The following GYG1 variants were observed in gnomAD, a reference collection of about 807,000 sequenced individuals.
The protein encoded by GYG1 is glycogenin-1.
A neutral mutation model predicts 41.9 loss-of-function variants in GYG1; 44 were observed. The ratio of observed to expected loss-of-function variants is 1.05; its 90% confidence interval spans 0.83 to 1.35. The LOEUF is 1.35. Among genes scored for constraint, GYG1 ranks in the 40% most tolerant of loss-of-function variants. GYG1 has a pLI of 0.00. For missense variants in GYG1, 429 were observed against 418.9 expected, an observed-to-expected ratio of 1.02 and a Z score of -0.21; for synonymous variants, 141 against 158.1, an observed-to-expected ratio of 0.89 and a Z score of 0.81.
intron 5 of GYG1, among the ~76,000 whole-genome samples, chr3:149,023,720 C>T (rs1714490817): frequency 6.6e-6 from 1 of 152,158 alleles, no homozygotes; most frequent in Admixed American, 6.5e-5. Flanking sequence ...ATGGAAAGTA[C>T]ACTGTTAAAG....
At chr3:149,016,481 C>G (rs1714053030) in intron 5 of GYG1, among the ~76,000 whole-genome samples, 1 of 152,062 alleles carries the variant, frequency 6.6e-6, no homozygotes. Context: ...CCTTCCCTGA[C>G]CTGGTCTGTG....
intron 5 of GYG1, among the ~76,000 whole-genome samples, chr3:149,019,437 CCT>C (rs1159850359): frequency 2.6e-5 from 4 of 152,222 alleles, no homozygotes; most frequent in Non-Finnish European, 4.4e-5. Context: ...CCACTCACCC[CCT>C]GTCTTGCTGG....
intron 4 of GYG1, chr3:149,008,243 TATACTC>T (rs1378112859): frequency 1.3e-5 from 2 of 152,236 alleles, no homozygotes; most frequent in East Asian, 1.9e-4. Context: ...TTTGTCCTGT[TATACTC>T]AGGGGAAAGT....
At chr3:149,008,975 C>T (rs1289472857) in intron 4 of GYG1, 9 of 315,674 alleles carry the variant, frequency 2.9e-5, no homozygotes, top group East Asian at 8.0e-5. Flanking sequence ...CTGGCCAACA[C>T]GGTGAAACCC....
Position 148,991,615 on chromosome 3 carries a change from C to T in GYG1, c.-26C>T. The T allele has an allele frequency of 1.9e-6, 3 of 1,554,832 alleles. No individual in the cohort carries two copies. Among genetic ancestry groups the T allele is most frequent in the Non-Finnish European group, 2.6e-6 (3 of 1,159,036 alleles). On this transcript the variant is annotated 5_prime_UTR_variant, in exon 1 of 8. Transcript: ENST00000345003. The stretch of plus-strand genomic sequence containing the variant: ...CTGAGTCACCAACCTGAGGCTGCCC[C>T]GGCCGCCTGCGCACCCGGCAGCACC...
chr3:149,013,841 G>A (rs998280150), intron 5 of GYG1, among the ~76,000 whole-genome samples: 2 of 152,154 alleles, frequency 1.3e-5, no homozygotes, highest in Non-Finnish European at 2.9e-5. Context: ...ATTGGAAGCC[G>A]TAGTCTATTT....
chr3:148,994,063 T>C, intron 1 of GYG1, 79 bp from the exon 2 acceptor site: 1 of 1,285,766 alleles, frequency 7.8e-7, no homozygotes, highest in Non-Finnish European at 1.1e-6. Flanking sequence ...GCTGAATTAC[T>C]GTTTGAATGG....
intron 5 of GYG1, among the ~76,000 whole-genome samples, chr3:149,019,102 A>T (rs1001219347): frequency 6.6e-6 from 1 of 151,544 alleles, no homozygotes; most frequent in African/African-American, 2.4e-5. Flanking sequence ...AAGTAATGTC[A>T]ATACCTAATG....
chr3:148,996,875 A>T lies in GYG1; in HGVS notation c.452A>T (p.His151Leu), dbSNP rs35054019. The T allele has an allele frequency of 1.7e-3, 2,763 of 1,613,862 alleles. 54 individuals carry two copies. The African/African-American group carries it at 0.031, about 18-fold the overall frequency. ...GTTGAAACATACAATCAGCTGTTGC[A>T]TCTTGCTTCTGAGCAAGGTAGTTTT... The part of the protein sequence containing the change: ...PSVETYNQLL[H>L]LASEQGSFDG... Residue 151 changes from histidine (H) to leucine (L), a missense_variant, in exon 4 of 8, where the codon CAT becomes CTT. Transcript: ENST00000345003.
intron 4 of GYG1, among the ~76,000 whole-genome samples, chr3:149,006,169 G>C (rs897405751): frequency 7.0e-5 from 10 of 142,228 alleles, no homozygotes; most frequent in Non-Finnish European, 1.3e-4. Context: ...TGCAACCTCT[G>C]CCTCCCGGGT....
intron 5 of GYG1, among the ~76,000 whole-genome samples, chr3:149,020,959 C>T (rs1714339613): frequency 6.6e-6 from 1 of 152,104 alleles, no homozygotes; most frequent in African/African-American, 2.4e-5. Flanking sequence ...TAGGATGGGG[C>T]AGTGCCTTCC....
At chr3:149,022,685 A>G (rs1298791832) in intron 5 of GYG1, among the ~76,000 whole-genome samples, 3 of 151,192 alleles carry the variant, frequency 2.0e-5, no homozygotes, top group Non-Finnish European at 4.4e-5. Flanking sequence ...TAGTAGAGAC[A>G]GGGTTTCACC....
At position 149,013,454 on chromosome 3, in the gene GYG1, A is replaced by AT. The variant is rs149893490; in HGVS notation, c.608+4055dup. ...AAGCAGAGAGACAGAATTCTCTGGT[A>AT]TTTCTTCAAACCACTACATAAATTA... is the stretch of plus-strand genomic sequence containing the variant. On this transcript the variant is annotated intron_variant, in intron 5 of 7. Coordinates refer to ENST00000345003, the MANE Select transcript of GYG1 (RefSeq NM_004130.4). 6.4e-3 allele frequency among the ~76,000 whole-genome samples: 981 copies of AT among 152,336 alleles called. 7 individuals are homozygous for AT. Among genetic ancestry groups the AT allele is most frequent in the African/African-American group, 0.022 (916 of 41,578 alleles).
Position 149,026,804 on chromosome 3 carries a change from C to T in GYG1, c.924C>T (p.Ile308=). 6.2e-7 allele frequency: 1 copy of T among 1,613,796 alleles called. No homozygotes were observed. Among genetic ancestry groups the T allele is most frequent in the Admixed American group, 1.7e-5 (1 of 60,012 alleles). Residue 308 remains isoleucine, a synonymous_variant, in exon 8 of 8, where the codon ATC becomes ATT. Coordinates refer to ENST00000345003, the MANE Select transcript of GYG1 (RefSeq NM_004130.4). ...GAISHLSLGE[I]PAMAQPFVSS... ...TATCACATCTGTCCCTTGGGGAGAT[C>T]CCAGCTATGGCACAGCCGTTTGTAT...
chr3:148,995,623 C>T (rs1221668001), intron 2 of GYG1, among the ~76,000 whole-genome samples: 1 of 152,210 alleles, frequency 6.6e-6, no homozygotes, highest in Non-Finnish European at 1.5e-5. Flanking sequence ...CTAACCATTT[C>T]TCTTCAAAAA....
At chr3:149,010,028 C>T (rs1713628180) in intron 5 of GYG1, among the ~76,000 whole-genome samples, 1 of 152,146 alleles carries the variant, frequency 6.6e-6, no homozygotes. Flanking sequence ...GCCTGGTCTA[C>T]CCAACTGCTC....
At position 148,996,817 on chromosome 3, in the gene GYG1, T is replaced by C. The variant is rs373007689; in HGVS notation, c.394T>C (p.Phe132Leu). Residue 132 changes from phenylalanine to leucine, a missense_variant, in exon 4 of 8, where the codon TTC becomes CTC. Physicochemically the swap from Phe to Leu is conservative, Grantham distance 22. Transcript: ENST00000345003. ...ACCAGACCCAGGGTGGCCTGACTGC[T>C]TCAATTCCGGAGTCTTCGTTTATCA... ...AAPDPGWPDC[F>L]NSGVFVYQPS... 2.5e-6 allele frequency: 4 copies of C among 1,613,220 alleles called. No homozygotes were observed. The African/African-American group carries it at 4.0e-5, about 16-fold the overall frequency.
At position 149,009,402 on chromosome 3, in the gene GYG1, T is replaced by C; in HGVS notation, c.608T>C (p.Val203Ala). The C allele has an allele frequency of 3.1e-6, 5 of 1,613,752 alleles. No individual in the cohort carries two copies. Among genetic ancestry groups the C allele is most frequent in the Non-Finnish European group, 4.2e-6 (5 of 1,179,638 alleles). ...SIYSYLPAFK[V>A]FGASAKVVHF... ...TACTCCTACCTCCCGGCATTTAAAG[T>C]GTAAGTGCAGATGGTTTAACTATTG... The change falls in exon 5 of 8, where the codon GTG becomes GCG. Residue 203 changes from valine to alanine, a missense_variant and splice_region_variant. Val to Ala is a moderately conservative substitution (Grantham distance 64). Coordinates refer to ENST00000345003, the MANE Select transcript of GYG1 (RefSeq NM_004130.4).
chr3:149,010,030 C>T (rs1713628378), intron 5 of GYG1, among the ~76,000 whole-genome samples: 1 of 152,152 alleles, frequency 6.6e-6, no homozygotes, highest in Non-Finnish European at 1.5e-5. Flanking sequence ...CTGGTCTACC[C>T]AACTGCTCAG....
Sources: allele counts gnomAD v4.1 joint callset (sites outside exome capture counted in the v4.1 genomes callset), GRCh38; gene constraint gnomAD v4.1.1; transcripts MANE v1.5; gene names NCBI Gene and HGNC (gene_info 2026-07-23, HGNC 2026-07-21).